Variants in ABTB3 observed in about 807,000 individuals in gnomAD.
ABTB3 encodes the protein ankyrin repeat and BTB domain containing 3, also known as ankyrin repeat- and BTB/POZ domain-containing protein 3.
chr12:107,528,935 T>A, the ABTB3 span, among the ~76,000 whole-genome samples: 1 of 151,266 alleles, frequency 6.6e-6, no homozygotes, highest in Non-Finnish European at 1.5e-5. Context: ...GTGATGATGA[T>A]GGAGATGATG....
At chr12:107,541,439 C>T in the ABTB3 span, among the ~76,000 whole-genome samples, 6 of 152,222 alleles carry the variant, frequency 3.9e-5, no homozygotes, top group Admixed American at 2.0e-4. Flanking sequence ...TTCTCTCTCT[C>T]TCTCTTTCTC....
At chr12:107,458,475 G>A in the ABTB3 span, among the ~76,000 whole-genome samples, 1 of 152,152 alleles carries the variant, frequency 6.6e-6, no homozygotes, top group Admixed American at 6.5e-5. Context: ...AGAATCTAGG[G>A]GGATAGGCCT....
chr12:107,500,542 G>T, the ABTB3 span, among the ~76,000 whole-genome samples: 1 of 152,132 alleles, frequency 6.6e-6, no homozygotes, highest in Non-Finnish European at 1.5e-5. Context: ...TATCAGCAGT[G>T]TGACCTTGGA....
the ABTB3 span, among the ~76,000 whole-genome samples, chr12:107,446,271 TAG>T: frequency 6.6e-6 from 1 of 152,038 alleles, no homozygotes; most frequent in African/African-American, 2.4e-5. Flanking sequence ...TTAGTCTGGG[TAG>T]AACAAGGCCA....
chr12:107,514,690 C>G, the ABTB3 span, among the ~76,000 whole-genome samples: 1 of 152,114 alleles, frequency 6.6e-6, no homozygotes, highest in South Asian at 2.1e-4. Flanking sequence ...CCTGTATACC[C>G]CATGTAGAGT....
chr12:107,393,412 G>T, the ABTB3 span, among the ~76,000 whole-genome samples: 1 of 152,044 alleles, frequency 6.6e-6, no homozygotes. Flanking sequence ...TTCAACTACT[G>T]CACTGCACAG....
At chr12:107,657,682 C>T in the ABTB3 span, 1 of 1,614,198 alleles carries the variant, frequency 6.2e-7, no homozygotes. Context: ...GAATTCAGTC[C>T]ATCCACTTGT....
the ABTB3 span, among the ~76,000 whole-genome samples, chr12:107,381,592 A>G: frequency 4.6e-5 from 7 of 152,356 alleles, no homozygotes; most frequent in Non-Finnish European, 8.8e-5. Flanking sequence ...TCAGGGAATT[A>G]ATGGCAATGG....
At chr12:107,591,181 T>C in the ABTB3 span, among the ~76,000 whole-genome samples, 1 of 152,226 alleles carries the variant, frequency 6.6e-6, no homozygotes, top group Non-Finnish European at 1.5e-5. Context: ...GATTGAATGA[T>C]CTCCAAAGTC....
At chr12:107,439,155 G>C in the ABTB3 span, among the ~76,000 whole-genome samples, 39 of 152,218 alleles carry the variant, frequency 2.6e-4, no homozygotes, top group African/African-American at 9.1e-4. Flanking sequence ...CGTCTTTAAT[G>C]GTGCTGTAAT....
At chr12:107,639,985 C>T in the ABTB3 span, among the ~76,000 whole-genome samples, 10 of 152,274 alleles carry the variant, frequency 6.6e-5, no homozygotes, top group Middle Eastern at 3.4e-3. Context: ...GCAGGGAGGG[C>T]GCTGAGCCCT....
chr12:107,456,699 A>C, the ABTB3 span, among the ~76,000 whole-genome samples: 237 of 152,294 alleles, frequency 1.6e-3, 1 homozygote, highest in African/African-American at 5.4e-3. Context: ...CCATGGAAGA[A>C]TTATCTTTCA....
chr12:107,585,283 G>C, the ABTB3 span, among the ~76,000 whole-genome samples: 8 of 152,146 alleles, frequency 5.3e-5, no homozygotes, highest in African/African-American at 1.9e-4. Context: ...TACTCTTTTT[G>C]CAAGTGTTTC....
the ABTB3 span, among the ~76,000 whole-genome samples, chr12:107,584,340 C>T: frequency 6.6e-6 from 1 of 152,242 alleles, no homozygotes; most frequent in Non-Finnish European, 1.5e-5. Flanking sequence ...TCCCATTTTA[C>T]AGATGAGAAG....
At chr12:107,525,245 T>G in the ABTB3 span, among the ~76,000 whole-genome samples, 3 of 143,392 alleles carry the variant, frequency 2.1e-5, no homozygotes, top group South Asian at 2.2e-4. Flanking sequence ...GAGGATCGCT[T>G]GAGCACTGGA....
chr12:107,585,468 G>A, the ABTB3 span, among the ~76,000 whole-genome samples: 3 of 152,226 alleles, frequency 2.0e-5, no homozygotes, highest in East Asian at 1.9e-4. Flanking sequence ...TAGGTCTGCC[G>A]CTTTCTAGCA....
chr12:107,373,077 C>A, the ABTB3 span, among the ~76,000 whole-genome samples: 1 of 152,214 alleles, frequency 6.6e-6, no homozygotes, highest in East Asian at 1.9e-4. Context: ...TGCCTCCAGA[C>A]ATTGCTAAAT....
the ABTB3 span, chr12:107,651,826 C>A: frequency 6.4e-7 from 1 of 1,553,628 alleles, no homozygotes; most frequent in Admixed American, 1.7e-5. Context: ...CACACAGGAG[C>A]GCTGAAGCCG....
chr12:107,581,167 G>A, the ABTB3 span: 1 of 1,542,212 alleles, frequency 6.5e-7, no homozygotes, highest in Non-Finnish European at 8.7e-7. Context: ...TCCTCGTGCT[G>A]CCGCCGCTGA....
Sources: allele counts gnomAD v4.1 joint callset (sites outside exome capture counted in the v4.1 genomes callset), GRCh38; gene constraint gnomAD v4.1.1; transcripts MANE v1.5; gene names NCBI Gene and HGNC (gene_info 2026-07-23, HGNC 2026-07-21).